The following DYSF variants were observed in gnomAD, a reference collection of about 807,000 sequenced individuals.
DYSF encodes the protein dysferlin.
A neutral mutation model predicts 274.9 loss-of-function variants in DYSF; 212 were observed. The observed-to-expected ratio is 0.77, with a 90% CI of 0.69 to 0.86. DYSF has a LOEUF of 0.86. Ranked by LOEUF, DYSF falls within the 40% of genes least tolerant of loss-of-function variation. The pLI, the probability that DYSF is intolerant of heterozygous loss-of-function variation, is 0.00. For missense variants in DYSF, 2,666 were observed against 2,783.2 expected (o/e 0.96, Z 0.95); for synonymous variants, 1,091 against 1,078.7 (o/e 1.01, Z -0.22).
intron 52 of DYSF, among the ~76,000 whole-genome samples, chr2:71,678,693 T>G (rs759069520): frequency 2.0e-5 from 3 of 152,162 alleles, no homozygotes; most frequent in Non-Finnish European, 4.4e-5. Flanking sequence ...ATGTTATATG[T>G]ATTTTACCAT....
chr2:71,686,373 G>A lies in DYSF; in HGVS notation c.6322-81G>A. 3 of 1,571,378 alleles carry A rather than the reference G, an allele frequency of 1.9e-6. No individual in the cohort carries two copies. In the South Asian group the frequency reaches 3.3e-5, roughly 17 times the overall value. On this transcript the variant is annotated intron_variant, in intron 55 of 55. Transcript: ENST00000410020. ...TTGGCAGCTTAGCCCCATCCTCTGA[G>A]CCCCAGGTCTGGGACAGCTGCTCTG...
At chr2:71,643,921 C>T (rs190476458) in intron 41 of DYSF, 44 bp from the exon 42 acceptor site, 18 of 1,479,238 alleles carry the variant, frequency 1.2e-5, no homozygotes, top group East Asian at 1.2e-4. Context: ...TGCTGCTTGG[C>T]GAGTCCTGTT....
At chr2:71,621,205 G>T (rs1558648881) in intron 41 of DYSF, among the ~76,000 whole-genome samples, 2 of 152,042 alleles carry the variant, frequency 1.3e-5, no homozygotes, top group African/African-American at 4.8e-5. Flanking sequence ...ATGCGCTCCT[G>T]AAGTCCCATG....
intron 10 of DYSF, among the ~76,000 whole-genome samples, chr2:71,518,386 A>G (rs997601872): frequency 4.7e-5 from 7 of 149,334 alleles, no homozygotes; most frequent in Non-Finnish European, 1.0e-4. Flanking sequence ...CCTCCCCAGT[A>G]GCTGGGATTA....
chr2:71,506,157 G>A (rs1056836045), intron 4 of DYSF, among the ~76,000 whole-genome samples: 3 of 152,034 alleles, frequency 2.0e-5, no homozygotes, highest in Non-Finnish European at 4.4e-5. Context: ...TGGTTTTGAT[G>A]AGCTCAGTGT....
At chr2:71,651,581 T>G (rs2094661693) in intron 42 of DYSF, among the ~76,000 whole-genome samples, 1 of 152,072 alleles carries the variant, frequency 6.6e-6, no homozygotes, top group Non-Finnish European at 1.5e-5. Flanking sequence ...TTCCTAAATT[T>G]TCAAAGAATA....
At chr2:71,568,425 C>T in intron 26 of DYSF, 87 bp downstream of exon 26, 1 of 1,533,562 alleles carries the variant, frequency 6.5e-7, no homozygotes. Context: ...AGGCTGGGGT[C>T]TGTTGATCCC....
At chr2:71,466,500 G>A (rs1010014119), upstream of DYSF, among the ~76,000 whole-genome samples, 4 of 152,144 alleles carry the variant, frequency 2.6e-5, no homozygotes, top group Non-Finnish European at 4.4e-5. Flanking sequence ...CGAGCTGCGC[G>A]CCCGCGTCAG....
At chr2:71,504,142 A>G (rs2085253769) in intron 4 of DYSF, among the ~76,000 whole-genome samples, 1 of 152,168 alleles carries the variant, frequency 6.6e-6, no homozygotes, top group Non-Finnish European at 1.5e-5. Context: ...GAATGGAACG[A>G]GACTGGATGC....
intron 12 of DYSF, among the ~76,000 whole-genome samples, chr2:71,525,683 G>A (rs1176720354): frequency 1.4e-5 from 2 of 147,736 alleles, no homozygotes; most frequent in Non-Finnish European, 1.5e-5. Flanking sequence ...TATTGGATTC[G>A]TTTGCTGAAA....
intron 41 of DYSF, among the ~76,000 whole-genome samples, chr2:71,636,946 C>T (rs1371206051): frequency 6.6e-6 from 1 of 152,116 alleles, no homozygotes; most frequent in Non-Finnish European, 1.5e-5. Context: ...AGAGGAGTGA[C>T]CACTTCTGCC....
Position 71,550,276 on chromosome 2 carries a change from G to C in DYSF, c.1577-765G>C, listed in dbSNP as rs1033560293. On this transcript the variant is annotated intron_variant, in intron 17 of 55. Coordinates refer to ENST00000410020, the MANE Select transcript of DYSF (RefSeq NM_001130987.2). ...AGTCCCATCTGGGAAACTCAGCTGT[G>C]AGCTGGAAAATGATGTTAGTAAAAG... is the stretch of plus-strand genomic sequence containing the variant. 2.0e-5 allele frequency among the ~76,000 whole-genome samples: 3 copies of C among 152,262 alleles called. No homozygotes were observed. In the East Asian group the frequency reaches 5.8e-4, roughly 29 times the overall value.
chr2:71,520,247 G>T (rs1354893986), intron 11 of DYSF, 39 bp downstream of exon 11: 22 of 1,612,670 alleles, frequency 1.4e-5, no homozygotes, highest in African/African-American at 4.0e-5. Context: ...TTGCATTTTG[G>T]TTCTGGAGGC....
intron 30 of DYSF, among the ~76,000 whole-genome samples, chr2:71,578,079 A>G (rs1275787707): frequency 3.9e-5 from 6 of 152,198 alleles, no homozygotes; most frequent in African/African-American, 1.4e-4. Flanking sequence ...CGATGCATGT[A>G]GTGAAGCACT....
intron 26 of DYSF, among the ~76,000 whole-genome samples, 193 bp from the exon 27 acceptor site, chr2:71,569,627 A>G (rs1053713168): frequency 6.6e-6 from 1 of 151,996 alleles, no homozygotes; most frequent in African/African-American, 2.4e-5. Context: ...GTCCCCGATT[A>G]TCTCGGAGTG....
intron 44 of DYSF, 101 bp downstream of exon 44, chr2:71,659,134 G>T (rs2094831591): frequency 1.3e-6 from 2 of 1,516,550 alleles, no homozygotes; most frequent in South Asian, 1.1e-5. Context: ...GTTCATAGTA[G>T]GTTGGGAAAC....
intron 55 of DYSF, among the ~76,000 whole-genome samples, chr2:71,684,046 C>T (rs1262962072): frequency 6.6e-6 from 1 of 152,214 alleles, no homozygotes; most frequent in Non-Finnish European, 1.5e-5. Context: ...AAGGGTCTGC[C>T]TACAGGCCAG....
At chr2:71,548,331 A>G (rs2090644322) in intron 17 of DYSF, among the ~76,000 whole-genome samples, 1 of 152,220 alleles carries the variant, frequency 6.6e-6, no homozygotes. Context: ...TTCTGACTGC[A>G]GTCACAGAGC....
At chr2:71,485,101 T>C (rs1011261187) in intron 3 of DYSF, among the ~76,000 whole-genome samples, 4 of 152,258 alleles carry the variant, frequency 2.6e-5, no homozygotes, top group Non-Finnish European at 5.9e-5. Context: ...AACATTTAAA[T>C]GTAATTTTTG....
Sources: gnomAD v4.1 joint callset for allele counts (sites outside exome capture counted in the v4.1 genomes callset) on GRCh38, gnomAD v4.1.1 for gene constraint, MANE v1.5 for transcripts, NCBI Gene and HGNC (gene_info 2026-07-23, HGNC 2026-07-21) for gene names.